FBXO42: variants seen among roughly 807,000 people sequenced by gnomAD.
The protein encoded by FBXO42 is F-box only protein 42.
A neutral mutation model predicts 71.7 loss-of-function variants in FBXO42; 12 were observed. The ratio of observed to expected loss-of-function variants is 0.17; its 90% CI spans 0.11 to 0.27. The LOEUF (loss-of-function observed/expected upper bound fraction) is 0.27, where lower values mean the gene tolerates loss of function less well. FBXO42 is among the 10% of genes least tolerant of loss of function. The pLI, the probability that FBXO42 is intolerant of heterozygous loss-of-function variation, is 1.00. For missense variants in FBXO42, 707 were observed against 911.9 expected, an observed-to-expected ratio of 0.78 and a Z score of 2.89; for synonymous variants, 325 against 327.5, an observed-to-expected ratio of 0.99 and a Z score of 0.08.
intron 2 of FBXO42, among the ~76,000 whole-genome samples, chr1:16,314,547 T>C (rs1174016753): frequency 1.3e-5 from 2 of 152,242 alleles, no homozygotes; most frequent in Non-Finnish European, 2.9e-5. Context: ...CAATAGTGCT[T>C]GACACGTGAT....
At chr1:16,290,027 T>G (rs1005529242) in intron 4 of FBXO42, among the ~76,000 whole-genome samples, 7 of 152,184 alleles carry the variant, frequency 4.6e-5, no homozygotes, top group African/African-American at 1.7e-4. Flanking sequence ...ATAAGCTCCA[T>G]GAGGGCAGGG....
intron 4 of FBXO42, among the ~76,000 whole-genome samples, chr1:16,285,928 C>A (rs1331118307): frequency 6.6e-6 from 1 of 152,096 alleles, no homozygotes; most frequent in African/African-American, 2.4e-5. Context: ...AGTGCAGTAG[C>A]GCAAACATGG....
At chr1:16,337,704 G>A (rs1450239067) in intron 1 of FBXO42, among the ~76,000 whole-genome samples, 7 of 150,722 alleles carry the variant, frequency 4.6e-5, no homozygotes, top group Non-Finnish European at 8.9e-5. Context: ...CCAACATGGT[G>A]AAACCCCCGC....
chr1:16,350,856 G>T (rs1335504454), intron 1 of FBXO42, among the ~76,000 whole-genome samples: 5 of 151,412 alleles, frequency 3.3e-5, no homozygotes, highest in Non-Finnish European at 7.4e-5. Flanking sequence ...TTTAAGATAC[G>T]CAACATGCCT....
intron 7 of FBXO42, chr1:16,253,390 T>C: frequency 1.7e-6 from 1 of 592,816 alleles, no homozygotes; most frequent in East Asian, 2.9e-5. Flanking sequence ...GTCAACCACA[T>C]AAAATGCAGG....
chr1:16,296,966 T>G, intron 3 of FBXO42, among the ~76,000 whole-genome samples: 1 of 115,112 alleles, frequency 8.7e-6, no homozygotes, highest in Non-Finnish European at 1.6e-5. Context: ...TGAGACAGAG[T>G]CTTGCTGTGT....
chr1:16,287,729 T>C (rs1253443311), intron 4 of FBXO42, among the ~76,000 whole-genome samples: 1 of 152,108 alleles, frequency 6.6e-6, no homozygotes, highest in Non-Finnish European at 1.5e-5. Context: ...GGATTACAGG[T>C]GTGAGCCACT....
At chr1:16,346,203 T>G (rs933058158) in intron 1 of FBXO42, among the ~76,000 whole-genome samples, 1 of 152,088 alleles carries the variant, frequency 6.6e-6, no homozygotes, top group Non-Finnish European at 1.5e-5. Flanking sequence ...AGCAAAAAAG[T>G]AAACACCCTA....
chr1:16,335,380 C>A lies in FBXO42; in HGVS notation c.-18+16875G>T, dbSNP rs567405775. On this transcript the variant is annotated intron_variant, in intron 1 of 9. Transcript: ENST00000375592. ...CTCAAACTCCTGGGTTCAAGTGATCCTCCTGTATTGGCATCCAAAAGTGCT... is the reference window on the plus strand; with the variant it reads ...CTCAAACTCCTGGGTTCAAGTGATCATCCTGTATTGGCATCCAAAAGTGCT... 2.0e-5 allele frequency among the ~76,000 whole-genome samples: 3 copies of A among 152,264 alleles called. No homozygotes were observed. The South Asian group carries it at 6.2e-4, about 32-fold the overall frequency.
intron 4 of FBXO42, among the ~76,000 whole-genome samples, chr1:16,278,664 CTTCA>C (rs1247013168): frequency 6.6e-6 from 1 of 152,140 alleles, no homozygotes; most frequent in African/African-American, 2.4e-5. Context: ...TGACAGTAAG[CTTCA>C]TTAACGGGAC....
rs199647911 is a variant in FBXO42, at chr1:16,315,159, T to C, written c.250+10A>G. The stretch of plus-strand genomic sequence containing the variant: ...AATCAATAAATAAACCTTTCTCCTA[T>C]CCACAGTACCTTTGATAAGTCGATA... On this transcript the variant is annotated intron_variant, in intron 2 of 9. Transcript: ENST00000375592. 3.1e-6 allele frequency: 5 copies of C among 1,592,546 alleles called. No individual in the cohort carries two copies. Among genetic ancestry groups the C allele is most frequent in the Non-Finnish European group, 4.3e-6 (5 of 1,167,856 alleles).
At chr1:16,258,285 G>A (rs942800636) in intron 4 of FBXO42, among the ~76,000 whole-genome samples, 1 of 152,128 alleles carries the variant, frequency 6.6e-6, no homozygotes, top group African/African-American at 2.4e-5. Flanking sequence ...GATTTACTGA[G>A]AAGGCATCAG....
chr1:16,262,794 C>T (rs61150681), intron 4 of FBXO42, among the ~76,000 whole-genome samples: 4,045 of 152,150 alleles, frequency 0.027, 185 homozygotes, highest in African/African-American at 0.09. Context: ...ACTGCAACTC[C>T]GACTTCTCAA....
At chr1:16,301,248 C>A (rs1226398441) in intron 3 of FBXO42, among the ~76,000 whole-genome samples, 4 of 152,040 alleles carry the variant, frequency 2.6e-5, no homozygotes, top group Non-Finnish European at 5.9e-5. Flanking sequence ...CAGACTTTTC[C>A]ATAGGAAAGA....
Position 16,347,514 on chromosome 1 carries a change from AAAACAAAC to A in FBXO42, c.-18+4733_-18+4740del, listed in dbSNP as rs537447737. ...AGGCAACAGAGAGAGACTTCCTCTC[AAAACAAAC>A]AAACAAACAAACAAACAAACAACTT... On this transcript the variant is annotated intron_variant, in intron 1 of 9. Transcript: ENST00000375592. Among the ~76,000 whole-genome samples the A allele has an allele frequency of 3.6e-3, 543 of 152,096 alleles. 1 individual carries two copies. Among genetic ancestry groups the A allele is most frequent in the Admixed American group, 0.01 (156 of 15,252 alleles).
At chr1:16,279,509 T>C (rs1356190423) in intron 4 of FBXO42, among the ~76,000 whole-genome samples, 1 of 152,170 alleles carries the variant, frequency 6.6e-6, no homozygotes. Context: ...ACCAAAAAAA[T>C]TTTAAAAGCA....
At chr1:16,285,465 G>A (rs899108669) in intron 4 of FBXO42, among the ~76,000 whole-genome samples, 1 of 151,852 alleles carries the variant, frequency 6.6e-6, no homozygotes, top group Admixed American at 6.6e-5. Flanking sequence ...GTAGAGACGG[G>A]GTTTCACCAT....
At chr1:16,301,564 G>A (rs1315734049) in intron 3 of FBXO42, among the ~76,000 whole-genome samples, 1 of 151,450 alleles carries the variant, frequency 6.6e-6, no homozygotes, top group African/African-American at 2.4e-5. Flanking sequence ...TTGGGAGGCT[G>A]AGGCAAGAGA....
chr1:16,302,236 C>G lies in FBXO42; in HGVS notation c.367+3567G>C, dbSNP rs373852536. ...TTGAGATGACTTTTAGAGAACAGGA[C>G]ACTTTCAGTCCATTAAGAAGGGCAG... On this transcript the variant is annotated intron_variant, in intron 3 of 9. Coordinates refer to ENST00000375592, the MANE Select transcript of FBXO42 (RefSeq NM_018994.3). Among the ~76,000 whole-genome samples the G allele has an allele frequency of 1.7e-4, 26 of 152,226 alleles. 1 individual carries two copies. The South Asian group carries it at 5.4e-3, about 32-fold the overall frequency.
Sources: allele counts gnomAD v4.1 joint callset (sites outside exome capture counted in the v4.1 genomes callset), GRCh38; gene constraint gnomAD v4.1.1; transcripts MANE v1.5; gene names NCBI Gene and HGNC (gene_info 2026-07-23, HGNC 2026-07-21).